Variants in CWC22 observed in about 807,000 individuals in gnomAD.
CWC22 encodes the protein pre-mRNA-splicing factor CWC22 homolog.
CWC22 carries 53 observed loss-of-function variants against 117.2 expected under a neutral mutation model. The observed-to-expected ratio is 0.45, with a 90% CI of 0.36 to 0.57. The LOEUF (loss-of-function observed/expected upper bound fraction) is 0.57. Among genes scored for constraint, CWC22 ranks in the 20% least tolerant of loss-of-function variants. CWC22 has a pLI of 0.00. For synonymous variants in CWC22, 360 were observed against 355.6 expected (o/e 1.01, Z -0.14); for missense variants, 980 against 1,068.8 (o/e 0.92, Z 1.16).
chr2:179,959,834 T>C (rs1458259992), intron 13 of CWC22, among the ~76,000 whole-genome samples: 1 of 152,088 alleles, frequency 6.6e-6, no homozygotes, highest in African/African-American at 2.4e-5. Flanking sequence ...AAAACCATTA[T>C]ATGGCGCATG....
In CWC22 at chr2:179,970,546, G is replaced by A. The variant is rs374017689; in HGVS notation, c.1165C>T (p.Pro389Ser). Residue 389 changes from proline to serine, a missense_variant, in exon 11 of 20, where the codon CCT becomes TCT. Coordinates refer to ENST00000410053, the MANE Select transcript of CWC22 (RefSeq NM_020943.3). The stretch of plus-strand genomic sequence containing the variant: ...TTCTCTTCATTCTCCATAAAATTAG[G>A]ATCCATCTTGAAAACATCTAAAAAA... ...EDVLNVFKMD[P>S]NFMENEEKYK... 22 of 1,546,134 alleles carry A rather than the reference G, an allele frequency of 1.4e-5. No homozygotes were observed. The African/African-American group carries it at 2.3e-4, about 16-fold the overall frequency.
chr2:179,973,274 T>A (rs1423377263), intron 7 of CWC22, 28 bp from the exon 8 acceptor site: 1 of 1,559,248 alleles, frequency 6.4e-7, no homozygotes, highest in South Asian at 1.2e-5. Context: ...AAAGTTAACC[T>A]ATAAACTAAA....
At chr2:179,975,469 G>A (rs539935274) in intron 6 of CWC22, among the ~76,000 whole-genome samples, 2 of 152,226 alleles carry the variant, frequency 1.3e-5, no homozygotes, top group South Asian at 2.1e-4. Context: ...GAAATAAAAG[G>A]TATCCAAATC....
At chr2:179,966,654 G>A (rs1686896565) in intron 11 of CWC22, among the ~76,000 whole-genome samples, 1 of 152,130 alleles carries the variant, frequency 6.6e-6, no homozygotes, top group African/African-American at 2.4e-5. Flanking sequence ...TGAAAATAGT[G>A]ATGTATATGA....
In CWC22 at chr2:179,945,170, G is replaced by T. The variant is rs1254863850; in HGVS notation, c.2686C>A (p.Gln896Lys). ...SEQSRESKKN[Q>K]DRRREKSPAK... ...GGAGACTTTTCTCTTCGCCGGTCCT[G>T]ATTTTTCTTTGATTCTCTGGATTGT... The change falls in exon 20 of 20, where the codon CAG becomes AAG. Residue 896 changes from glutamine (Q) to lysine (K), a missense_variant. By Grantham distance (53) the Gln-to-Lys change is moderately conservative. Around this residue, in one of 3 missense-constraint regions of CWC22, gnomAD observed 306 missense variants for 296.8 expected, o/e 1.03. Transcript: ENST00000410053. 2 of 1,604,970 alleles carry T rather than the reference G, an allele frequency of 1.2e-6. No homozygotes were observed. Among genetic ancestry groups the T allele is most frequent in the Admixed American group, 3.4e-5 (2 of 57,992 alleles).
chr2:179,968,661 C>A (rs1210208511), intron 11 of CWC22, among the ~76,000 whole-genome samples: 1 of 150,854 alleles, frequency 6.6e-6, no homozygotes, highest in African/African-American at 2.4e-5. Context: ...TCCACCTCCC[C>A]AGTTCAAGCG....
chr2:179,981,470 A>C (rs1343683781), intron 5 of CWC22, among the ~76,000 whole-genome samples: 2 of 152,224 alleles, frequency 1.3e-5, no homozygotes, highest in Admixed American at 6.5e-5. Flanking sequence ...AAACTATGAA[A>C]GGAACAATAG....
At chr2:179,997,051 C>T (rs1307969521) in intron 1 of CWC22, among the ~76,000 whole-genome samples, 1 of 152,010 alleles carries the variant, frequency 6.6e-6, no homozygotes, top group Non-Finnish European at 1.5e-5. Context: ...ATGAAGAATA[C>T]TGTAAATGAT....
chr2:179,990,611 G>T (rs1452656488), intron 2 of CWC22, among the ~76,000 whole-genome samples: 5 of 151,818 alleles, frequency 3.3e-5, no homozygotes, highest in African/African-American at 1.2e-4. Context: ...AGAGGAGAGA[G>T]GAGAAGACAG....
chr2:179,966,494 A>G (rs13408239), intron 11 of CWC22, among the ~76,000 whole-genome samples: 5,462 of 152,314 alleles, frequency 0.036, 320 homozygotes, highest in African/African-American at 0.12. Context: ...ATTAAAATAC[A>G]TATCTCTAAA....
chr2:179,987,560 A>G (rs754939236), intron 3 of CWC22, among the ~76,000 whole-genome samples: 58 of 152,250 alleles, frequency 3.8e-4, no homozygotes, highest in Admixed American at 9.8e-4. Flanking sequence ...AGTAATTATG[A>G]ATCAGGGCAA....
intron 12 of CWC22, among the ~76,000 whole-genome samples, chr2:179,965,553 T>G (rs913725942): frequency 6.6e-6 from 1 of 152,192 alleles, no homozygotes; most frequent in Admixed American, 6.5e-5. Flanking sequence ...TAAGAAAACA[T>G]GTTTTTCATT....
In CWC22 at chr2:179,945,126, G is replaced by A. The variant is rs761999005; in HGVS notation, c.*3C>T. On this transcript the variant is annotated 3_prime_UTR_variant, in exon 20 of 20. Coordinates refer to ENST00000410053, the MANE Select transcript of CWC22 (RefSeq NM_020943.3). ...CATGTCCAGTTTATGTCATTTTGTA[G>A]AATTATTTTTGTTTTGCTGGAGACT... 1.9e-6 allele frequency: 3 copies of A among 1,579,052 alleles called. No homozygotes were observed. In the South Asian group the frequency reaches 3.5e-5, roughly 19 times the overall value.
At chr2:179,946,382 C>T (rs1158760480) in intron 19 of CWC22, among the ~76,000 whole-genome samples, 5 of 132,990 alleles carry the variant, frequency 3.8e-5, no homozygotes, top group Non-Finnish European at 7.6e-5. Context: ...GCCTGGGAGG[C>T]AGAGGTTGCA....
chr2:179,999,709 A>G (rs1376162966), intron 1 of CWC22, among the ~76,000 whole-genome samples: 2 of 152,198 alleles, frequency 1.3e-5, no homozygotes, highest in African/African-American at 4.8e-5. Flanking sequence ...GCTAAAGGAA[A>G]GGGGAATCAA....
At position 179,973,650 on chromosome 2, in the gene CWC22, T is replaced by C. The variant is rs752971411; in HGVS notation, c.734A>G (p.Tyr245Cys). 6 of 1,602,368 alleles carry C rather than the reference T, an allele frequency of 3.7e-6. No individual in the cohort carries two copies. The highest frequency in any genetic ancestry group is 4.3e-6 in the Non-Finnish European group (5 of 1,172,390). Residue 245 changes from tyrosine (Y) to cysteine (C), a missense_variant, in exon 7 of 20, where the codon TAT becomes TGT. Coordinates refer to ENST00000410053, the MANE Select transcript of CWC22 (RefSeq NM_020943.3). ...KRLILNFRKGYRRNDKQLCLT... is the reference protein window; with the variant it reads ...KRLILNFRKGCRRNDKQLCLT... ...CATATATACCTTGTCATTTCTTCGA[T>C]AGCCTTTTCGAAAATTAAGAATTAA...
intron 1 of CWC22, among the ~76,000 whole-genome samples, chr2:179,996,106 A>G (rs912948172): frequency 2.6e-5 from 4 of 152,214 alleles, no homozygotes; most frequent in African/African-American, 4.8e-5. Flanking sequence ...AACTGCCTAA[A>G]AAGTCACCAC....
rs1686531756 is a variant in CWC22 at position 179,954,426 on chromosome 2, A to C, written c.1537-69T>G. On this transcript the variant is annotated intron_variant, in intron 15 of 19. Transcript: ENST00000410053. ...ACAATTATGAGCATATTAAATCCTA[A>C]ATTTACTGAATCAAAACTTTATTAA... 5.4e-6 allele frequency: 5 copies of C among 925,958 alleles called. No individual in the cohort carries two copies. In the South Asian group the frequency reaches 1.1e-4, roughly 20 times the overall value. The allele number at this position is 925,958 out of a possible 1,614,324, so 57.4% of individuals were successfully genotyped here.
In CWC22 at chr2:179,958,945, A is replaced by C. The variant is rs906352208; in HGVS notation, c.1458+77T>G. 36 of 810,536 alleles carry C rather than the reference A, an allele frequency of 4.4e-5. No homozygotes were observed. The Admixed American group carries it at 8.0e-4, about 18-fold the overall frequency. 50.2% of individuals were successfully genotyped at this position (810,536 alleles called of 1,614,324 possible). Reference sequence around the variant, plus strand: ...GTACTGAGGTATTGCTTCAATCCACAAAACTTACCCATTAACAGCCTTAAA... The same window carrying C: ...GTACTGAGGTATTGCTTCAATCCACCAAACTTACCCATTAACAGCCTTAAA... On this transcript the variant is annotated intron_variant, in intron 14 of 19. Coordinates refer to ENST00000410053, the MANE Select transcript of CWC22 (RefSeq NM_020943.3).
Sources: gnomAD v4.1 joint callset for allele counts (sites outside exome capture counted in the v4.1 genomes callset) on GRCh38, gnomAD v4.1.1 for gene constraint, gnomAD v4.1.1 regional missense constraint, MANE v1.5 for transcripts, NCBI Gene and HGNC (gene_info 2026-07-23, HGNC 2026-07-21) for gene names.